The following MRPL13 variants were observed in gnomAD, a reference collection of about 807,000 sequenced individuals.
MRPL13 encodes large ribosomal subunit protein uL13m.
A neutral mutation model predicts 29.0 loss-of-function variants in MRPL13; 33 were observed. That is an observed-to-expected ratio of 1.14 (90% CI 0.86 to 1.52). The LOEUF is 1.52. MRPL13 is among the 40% of genes most tolerant of loss of function. The pLI, the probability that MRPL13 is intolerant of heterozygous loss-of-function variation, is 0.00. For synonymous variants in MRPL13, 77 were observed against 68.4 expected (o/e 1.13, Z -0.62); for missense variants, 227 against 216.7 (o/e 1.05, Z -0.30).
chr8:120,444,919 G>A (rs1813185528), intron 1 of MRPL13, 149 bp downstream of exon 1: 2 of 917,774 alleles, frequency 2.2e-6, no homozygotes, highest in Admixed American at 3.9e-5. Flanking sequence ...TTGCCAGACT[G>A]ACGACCCTCT....
chr8:120,428,344 C>G (rs536193290), intron 3 of MRPL13, among the ~76,000 whole-genome samples: 1 of 152,206 alleles, frequency 6.6e-6, no homozygotes, highest in South Asian at 2.1e-4. Context: ...AAAATTAACT[C>G]AGGATGGATT....
At chr8:120,441,819 T>C (rs945965866) in intron 2 of MRPL13, among the ~76,000 whole-genome samples, 5 of 152,202 alleles carry the variant, frequency 3.3e-5, no homozygotes, top group Non-Finnish European at 5.9e-5. Flanking sequence ...GAGAGTATCT[T>C]TATTTTTAGG....
chr8:120,418,215 A>G (rs1812827439), intron 5 of MRPL13, among the ~76,000 whole-genome samples: 1 of 152,146 alleles, frequency 6.6e-6, no homozygotes, highest in African/African-American at 2.4e-5. Context: ...CAACTTACCA[A>G]GTCACAAAAA....
intron 4 of MRPL13, among the ~76,000 whole-genome samples, chr8:120,420,600 G>T (rs1812861181): frequency 1.3e-5 from 2 of 151,066 alleles, no homozygotes; most frequent in Admixed American, 1.3e-4. Flanking sequence ...GTAGCTAGTG[G>T]CTACCATGTT....
chr8:120,417,704 G>C (rs552748345), intron 5 of MRPL13, among the ~76,000 whole-genome samples: 1 of 152,110 alleles, frequency 6.6e-6, no homozygotes, highest in South Asian at 2.1e-4. Context: ...ATTAGTTTTT[G>C]AGTATTGCCT....
At position 120,443,315 on chromosome 8, in the gene MRPL13, G is replaced by GT; in HGVS notation, c.28-8_28-7insA. ...TAGCAAAAGTGGCCCATTGCTTGGG[G>GT]GGGAAAAAAAAAAAAAAGAAGAGGA... On this transcript the variant is annotated splice_region_variant and splice_polypyrimidine_tract_variant and intron_variant, in intron 1 of 6. Transcript: ENST00000306185. 1 of 1,469,290 alleles carries GT rather than the reference G, an allele frequency of 6.8e-7. No homozygotes were observed. The highest frequency in any genetic ancestry group is 9.0e-7 in the Non-Finnish European group (1 of 1,110,622). The allele number at this position is 1,469,290 out of a possible 1,614,324, so 91.0% of individuals were successfully genotyped here.
intron 2 of MRPL13, among the ~76,000 whole-genome samples, chr8:120,440,600 C>T (rs1342152700): frequency 5.9e-5 from 8 of 136,260 alleles, no homozygotes; most frequent in African/African-American, 2.3e-4. Context: ...GTGAGACTCT[C>T]TCTCTCTCAA....
At chr8:120,400,766 C>T (rs1173070310) in intron 6 of MRPL13, among the ~76,000 whole-genome samples, 1 of 150,400 alleles carries the variant, frequency 6.6e-6, no homozygotes, top group African/African-American at 2.4e-5. Context: ...GCTAGTTAGA[C>T]TAATAAAGGA....
intron 5 of MRPL13, 165 bp from the exon 6 acceptor site, chr8:120,414,277 C>T (rs989093621): frequency 2.3e-5 from 12 of 519,362 alleles, no homozygotes; most frequent in Middle Eastern, 5.8e-4. Context: ...CCCAAAAGTA[C>T]ATTAGGTTAA....
chr8:120,413,161 C>G (rs1812759875), intron 6 of MRPL13, among the ~76,000 whole-genome samples: 1 of 152,098 alleles, frequency 6.6e-6, no homozygotes, highest in Non-Finnish European at 1.5e-5. Flanking sequence ...TCTAGAGATT[C>G]TTTCCTAAAG....
At chr8:120,416,653 C>T (rs1457140056) in intron 5 of MRPL13, among the ~76,000 whole-genome samples, 1 of 152,138 alleles carries the variant, frequency 6.6e-6, no homozygotes, top group Non-Finnish European at 1.5e-5. Flanking sequence ...TAAATTTACA[C>T]AAAAGTTGTG....
At chr8:120,427,107 A>T (rs1032787948) in intron 3 of MRPL13, among the ~76,000 whole-genome samples, 1 of 152,194 alleles carries the variant, frequency 6.6e-6, no homozygotes, top group African/African-American at 2.4e-5. Context: ...AAATAACTAC[A>T]GTAAATGACA....
chr8:120,412,265 A>C lies in MRPL13; in HGVS notation c.515+1726T>G, dbSNP rs531423105. Among the ~76,000 whole-genome samples, 3 of 152,356 alleles carry C rather than the reference A, an allele frequency of 2.0e-5. No homozygotes were observed. In the East Asian group the frequency reaches 5.8e-4, roughly 29 times the overall value. ...TTCAAGGACAACTTAAAATGTTTTTAGTATATAACTTATCAAAGCTGAATA... is the reference window on the plus strand; with the variant it reads ...TTCAAGGACAACTTAAAATGTTTTTCGTATATAACTTATCAAAGCTGAATA... On this transcript the variant is annotated intron_variant, in intron 6 of 6. Transcript: ENST00000306185.
At chr8:120,440,608 C>CAAAAA (rs1201388855) in intron 2 of MRPL13, among the ~76,000 whole-genome samples, 76 of 125,252 alleles carry the variant, frequency 6.1e-4, no homozygotes, top group African/African-American at 2.3e-3. Flanking sequence ...CTCTCTCTCT[C>CAAAAA]AAAAAAAAAA....
chr8:120,425,510 C>T, intron 3 of MRPL13, 144 bp from the exon 4 acceptor site: 1 of 556,436 alleles, frequency 1.8e-6, no homozygotes, highest in Non-Finnish European at 3.1e-6. Context: ...AAGTAGTAAT[C>T]TACGCTTTTT....
At chr8:120,431,565 A>G (rs896177347) in intron 3 of MRPL13, among the ~76,000 whole-genome samples, 1 of 152,178 alleles carries the variant, frequency 6.6e-6, no homozygotes, top group African/African-American at 2.4e-5. Flanking sequence ...CCTAACTGAA[A>G]AATGGAGGAG....
intron 4 of MRPL13, among the ~76,000 whole-genome samples, chr8:120,420,918 C>A (rs534425822): frequency 6.6e-6 from 1 of 151,976 alleles, no homozygotes; most frequent in African/African-American, 2.4e-5. Context: ...AAACTCCACA[C>A]TCAAATTTAA....
At chr8:120,419,433 C>A (rs1026921639) in intron 5 of MRPL13, among the ~76,000 whole-genome samples, 1 of 151,866 alleles carries the variant, frequency 6.6e-6, no homozygotes, top group African/African-American at 2.4e-5. Flanking sequence ...AAAGTTAAAT[C>A]ATGGGAAACA....
intron 5 of MRPL13, 28 bp downstream of exon 5, chr8:120,419,824 G>A: frequency 2.0e-6 from 3 of 1,532,796 alleles, no homozygotes; most frequent in Non-Finnish European, 2.6e-6. Flanking sequence ...TTTTGGAAAA[G>A]CATTGTTACC....
Sources: allele counts gnomAD v4.1 joint callset (sites outside exome capture counted in the v4.1 genomes callset), GRCh38; gene constraint gnomAD v4.1.1; transcripts MANE v1.5; gene names NCBI Gene and HGNC (gene_info 2026-07-23, HGNC 2026-07-21).